The following ELSPBP1 variants were observed in gnomAD, a reference collection of about 807,000 sequenced individuals.
ELSPBP1 encodes the protein epididymal sperm-binding protein 1.
A neutral mutation model predicts 33.3 loss-of-function variants in ELSPBP1; 38 were observed. The observed-to-expected ratio is 1.14, with a 90% confidence interval of 0.88 to 1.50. ELSPBP1 has a LOEUF of 1.50. Among genes scored for constraint, ELSPBP1 ranks in the 40% most tolerant of loss-of-function variants. The probability of loss-of-function intolerance (pLI) is 0.00; values close to 1 mark genes in which losing one functional copy is unlikely to be tolerated. For missense variants in ELSPBP1, 267 were observed against 263.5 expected (o/e 1.01, Z -0.09); for synonymous variants, 85 against 94.1 (o/e 0.90, Z 0.56).
At chr19:48,016,082 A>T in intron 4 of ELSPBP1, 43 bp downstream of exon 4, 1 of 1,604,752 alleles carries the variant, frequency 6.2e-7, no homozygotes, top group Non-Finnish European at 8.5e-7. Context: ...TGGGAGGGAG[A>T]GTGGACAGCA....
At chr19:48,010,003 G>GTTTT (rs767326799) in intron 2 of ELSPBP1, among the ~76,000 whole-genome samples, 1 of 152,110 alleles carries the variant, frequency 6.6e-6, no homozygotes, top group Non-Finnish European at 1.5e-5. Context: ...TTGTTTGTTT[G>GTTTT]TTTTCTTTTG....
chr19:48,017,203 C>T lies in ELSPBP1; in HGVS notation c.355+1164C>T, dbSNP rs535499630. On this transcript the variant is annotated intron_variant, in intron 4 of 6. Transcript: ENST00000339841. ...CATGCTCTCTCCTTAAGCATTGTTG[C>T]GTCCACAGAGACAAAGATGTGTGAA... is the stretch of plus-strand genomic sequence containing the variant. Among the ~76,000 whole-genome samples the T allele has an allele frequency of 2.0e-4, 30 of 152,342 alleles. 1 individual carries two copies. Among genetic ancestry groups the T allele is most frequent in the African/African-American group, 6.7e-4 (28 of 41,588 alleles).
intron 2 of ELSPBP1, 151 bp from the exon 3 acceptor site, chr19:48,014,020 G>C (rs948546950): frequency 1.1e-6 from 1 of 873,518 alleles, no homozygotes; most frequent in East Asian, 2.5e-5. Flanking sequence ...TACCATGACC[G>C]TGGGGGTTAG....
intron 1 of ELSPBP1, among the ~76,000 whole-genome samples, 152 bp downstream of exon 1, chr19:47,994,963 A>G (rs1369820796): frequency 6.6e-6 from 1 of 152,232 alleles, no homozygotes; most frequent in Non-Finnish European, 1.5e-5. Context: ...AGCACTTTAA[A>G]AAACTAAGAA....
At chr19:47,997,128 C>T (rs919940584) in intron 1 of ELSPBP1, among the ~76,000 whole-genome samples, 2 of 152,130 alleles carry the variant, frequency 1.3e-5, no homozygotes, top group Non-Finnish European at 1.5e-5. Context: ...TACTGGCATG[C>T]CAGTGGAATT....
chr19:48,005,072 G>T (rs1458983183), intron 1 of ELSPBP1, among the ~76,000 whole-genome samples: 2 of 152,126 alleles, frequency 1.3e-5, no homozygotes, highest in African/African-American at 4.8e-5. Context: ...TGGGTGTGGT[G>T]ATGCGTGCCT....
chr19:47,999,831 T>TC (rs1467728843), intron 1 of ELSPBP1, among the ~76,000 whole-genome samples: 2 of 152,000 alleles, frequency 1.3e-5, no homozygotes, highest in Non-Finnish European at 2.9e-5. Context: ...GATTTTTTTT[T>TC]TTTTTTTAGG....
chr19:47,999,193 T>G (rs562338649), intron 1 of ELSPBP1, among the ~76,000 whole-genome samples: 1 of 152,342 alleles, frequency 6.6e-6, no homozygotes, highest in Admixed American at 6.5e-5. Context: ...GTTTATTATT[T>G]TTTTTCATTG....
intron 3 of ELSPBP1, among the ~76,000 whole-genome samples, chr19:48,014,633 C>T (rs1967112825): frequency 6.6e-6 from 1 of 151,248 alleles, no homozygotes; most frequent in Admixed American, 6.6e-5. Context: ...TGTAACAAAC[C>T]TGCACATTGT....
chr19:48,002,976 G>A (rs993803455), intron 1 of ELSPBP1, among the ~76,000 whole-genome samples: 3 of 152,096 alleles, frequency 2.0e-5, no homozygotes, highest in African/African-American at 7.2e-5. Flanking sequence ...ATTTTCCTGT[G>A]GTTTGACTCC....
intron 6 of ELSPBP1, among the ~76,000 whole-genome samples, chr19:48,023,282 A>G (rs1967223039): frequency 7.6e-6 from 1 of 132,446 alleles, no homozygotes; most frequent in Admixed American, 7.8e-5. Context: ...AGAAGAAAGG[A>G]GGGAGGAAAG....
In ELSPBP1 at chr19:47,994,729, C is replaced by T. The variant is rs571590474; in HGVS notation, c.-100C>T. On this transcript the variant is annotated 5_prime_UTR_variant, in exon 1 of 7. Transcript: ENST00000339841. ...TGGGGCCAAAGCCATTCAACCAATC[C>T]CCAGATAATCCAGAGCTCTTGGGAG... 6 of 152,348 alleles carry T rather than the reference C, an allele frequency of 3.9e-5. No individual in the cohort carries two copies. The East Asian group carries it at 7.7e-4, about 20-fold the overall frequency. The allele number at this position is 152,348 out of a possible 1,614,324, so 9.4% of individuals were successfully genotyped here.
At position 47,996,803 on chromosome 19, in the gene ELSPBP1, A is replaced by C. The variant is rs867492291; in HGVS notation, c.-18+1992A>C. Among the ~76,000 whole-genome samples, 5 of 152,118 alleles carry C rather than the reference A, an allele frequency of 3.3e-5. No individual in the cohort carries two copies. The South Asian group carries it at 1.0e-3, about 32-fold the overall frequency. The stretch of plus-strand genomic sequence containing the variant: ...GAAAGTTTGAAAGCCAATAAATAAC[A>C]AAAGTAAAAGAAGAGAATTAGAACA... On this transcript the variant is annotated intron_variant, in intron 1 of 6. Coordinates refer to ENST00000339841, the MANE Select transcript of ELSPBP1 (RefSeq NM_022142.5).
At chr19:48,016,134 G>A in intron 4 of ELSPBP1, 95 bp downstream of exon 4, 1 of 1,437,514 alleles carries the variant, frequency 7.0e-7, no homozygotes, top group South Asian at 1.3e-5. Context: ...AGAGACCAGA[G>A]CACCCAGGGG....
intron 6 of ELSPBP1, among the ~76,000 whole-genome samples, chr19:48,023,515 A>AGG (rs2122343494): frequency 1.1e-4 from 3 of 27,096 alleles, no homozygotes; most frequent in African/African-American, 1.2e-4. Context: ...GAGGAAGGAA[A>AGG]TAAGGAAGGA....
intron 1 of ELSPBP1, among the ~76,000 whole-genome samples, chr19:47,998,524 C>T (rs1966934113): frequency 1.3e-5 from 2 of 151,894 alleles, no homozygotes; most frequent in South Asian, 2.1e-4. Context: ...CGGTGGCTCA[C>T]GCCTGTAATC....
rs150485435 is a variant in ELSPBP1 at position 48,011,274 on chromosome 19, C to T, written c.70+2537C>T. Among the ~76,000 whole-genome samples the T allele has an allele frequency of 1.1e-3, 161 of 149,802 alleles. 1 individual carries two copies. The highest frequency in any genetic ancestry group is 3.4e-3 in the African/African-American group (139 of 40,518). On this transcript the variant is annotated intron_variant, in intron 2 of 6. Transcript: ENST00000339841. This position sits in a 1 kb window ranked among gnomAD's most constrained non-coding sequence, Gnocchi z 4.5. ...TGATTGATAATGATGATGACAATGA[C>T]GATGATGATCACCATGATAATGACA...
intron 5 of ELSPBP1, among the ~76,000 whole-genome samples, chr19:48,021,786 A>G (rs1034081765): frequency 1.2e-4 from 18 of 151,798 alleles, no homozygotes; most frequent in African/African-American, 4.1e-4. Context: ...TCCATCTGTC[A>G]CCTAGGCTAC....
intron 4 of ELSPBP1, among the ~76,000 whole-genome samples, chr19:48,019,051 G>A (rs1332972665): frequency 6.6e-6 from 1 of 152,152 alleles, no homozygotes; most frequent in African/African-American, 2.4e-5. Flanking sequence ...CTACTCGGGA[G>A]GCTGAGGCAG....
Sources: gnomAD v4.1 joint callset for allele counts (sites outside exome capture counted in the v4.1 genomes callset) on GRCh38, gnomAD v4.1.1 for gene constraint, Gnocchi (gnomAD v3.1) non-coding constraint, MANE v1.5 for transcripts, NCBI Gene and HGNC (gene_info 2026-07-23, HGNC 2026-07-21) for gene names.